The following PBK variants were observed in gnomAD, a reference collection of about 807,000 sequenced individuals.
PBK encodes lymphokine-activated killer T-cell-originated protein kinase.
PBK carries 22 observed loss-of-function variants against 33.5 expected under a neutral mutation model. That is an observed-to-expected ratio of 0.66 (90% CI 0.47 to 0.94). The LOEUF (loss-of-function observed/expected upper bound fraction) is 0.94, where lower values mean the gene tolerates loss of function less well. PBK is among the 40% of genes least tolerant of loss of function. The probability of loss-of-function intolerance (pLI) is 0.00; values close to 1 mark genes in which losing one functional copy is unlikely to be tolerated. For synonymous variants in PBK, 129 were observed against 123.8 expected (o/e 1.04, Z -0.28); for missense variants, 376 against 383.4 (o/e 0.98, Z 0.16).
At chr8:27,831,658 A>G (rs1448921155) in intron 2 of PBK, among the ~76,000 whole-genome samples, 1 of 152,006 alleles carries the variant, frequency 6.6e-6, no homozygotes. Flanking sequence ...CTGATTAAGG[A>G]AAAAAATTAA....
chr8:27,825,798 A>C (rs1371271449), intron 3 of PBK, among the ~76,000 whole-genome samples: 2 of 152,232 alleles, frequency 1.3e-5, no homozygotes, highest in Non-Finnish European at 2.9e-5. Flanking sequence ...TTGAAAGATA[A>C]AGCTGGGGAA....
Position 27,810,465 on chromosome 8 carries a change from G to C in PBK, c.809C>G (p.Ala270Gly), listed in dbSNP as rs141116063. ...TFDESDFDDE[A>G]YYAALGTRPP... ...CCTAGTTCCCAACGCTGCATAGTAT[G>C]CTTCATCATCAAAATCACTTTCATC... The change falls in exon 8 of 8, where the codon GCA becomes GGA. Residue 270 changes from alanine to glycine, a missense_variant. Coordinates refer to ENST00000301905, the MANE Select transcript of PBK (RefSeq NM_018492.4). 1.2e-6 allele frequency: 2 copies of C among 1,604,920 alleles called. No homozygotes were observed.
At chr8:27,816,604 C>T (rs1585424258) in intron 6 of PBK, among the ~76,000 whole-genome samples, 1 of 151,828 alleles carries the variant, frequency 6.6e-6, no homozygotes, top group South Asian at 2.1e-4. Flanking sequence ...TCTCAATCTC[C>T]TGACCTCATG....
intron 6 of PBK, among the ~76,000 whole-genome samples, chr8:27,816,583 A>G (rs1198768150): frequency 1.3e-5 from 2 of 151,588 alleles, no homozygotes; most frequent in Admixed American, 6.6e-5. Flanking sequence ...TCACTGTGTT[A>G]GCCAGGATGG....
intron 2 of PBK, among the ~76,000 whole-genome samples, chr8:27,832,819 G>C (rs537316079): frequency 1.3e-5 from 2 of 152,282 alleles, no homozygotes; most frequent in South Asian, 4.1e-4. Flanking sequence ...GTCAAGCTAA[G>C]TTGATTCTTG....
intron 6 of PBK, among the ~76,000 whole-genome samples, chr8:27,814,519 T>C (rs1205417235): frequency 6.6e-6 from 1 of 152,156 alleles, no homozygotes; most frequent in East Asian, 1.9e-4. Context: ...TTTTATTTCA[T>C]TGATTTCTGC....
intron 6 of PBK, among the ~76,000 whole-genome samples, chr8:27,814,313 C>T (rs1805768120): frequency 6.6e-6 from 1 of 152,172 alleles, no homozygotes; most frequent in Middle Eastern, 3.4e-3. Flanking sequence ...TTGTCAAATT[C>T]ATTGCCATAA....
intron 3 of PBK, among the ~76,000 whole-genome samples, chr8:27,825,726 C>T (rs985451328): frequency 1.3e-5 from 2 of 151,936 alleles, no homozygotes; most frequent in Non-Finnish European, 2.9e-5. Flanking sequence ...CTCCAAGAGA[C>T]TAAAGATGCT....
chr8:27,811,229 T>C, intron 6 of PBK, 95 bp from the exon 7 acceptor site: 1 of 1,024,440 alleles, frequency 9.8e-7, no homozygotes, highest in Non-Finnish European at 1.5e-6. Flanking sequence ...GAACAAGTAG[T>C]TCACAGGTTA....
chr8:27,817,492 G>T (rs182420075), intron 6 of PBK, among the ~76,000 whole-genome samples: 1 of 151,658 alleles, frequency 6.6e-6, no homozygotes, highest in African/African-American at 2.4e-5. Flanking sequence ...TCTTTTATTA[G>T]GATTATTAAC....
intron 1 of PBK, among the ~76,000 whole-genome samples, chr8:27,834,334 C>T (rs1459545325): frequency 6.6e-6 from 1 of 152,038 alleles, no homozygotes; most frequent in Non-Finnish European, 1.5e-5. Context: ...TCCAATGATC[C>T]CATTTTTAGG....
At chr8:27,829,737 C>T (rs1250952327) in intron 2 of PBK, among the ~76,000 whole-genome samples, 4 of 151,818 alleles carry the variant, frequency 2.6e-5, no homozygotes, top group South Asian at 2.1e-4. Context: ...TGTGGTGGCA[C>T]GTGCCTGTAA....
In PBK at chr8:27,817,551, G is replaced by GT. The variant is rs1554560035; in HGVS notation, c.595+3013dup. The stretch of plus-strand genomic sequence containing the variant: ...TCAAAGTTGCATAGGTTTTAACCCT[G>GT]TTTTTTTTTTCTATAAACCTAGTTA... On this transcript the variant is annotated intron_variant, in intron 6 of 7. Coordinates refer to ENST00000301905, the MANE Select transcript of PBK (RefSeq NM_018492.4). Among the ~76,000 whole-genome samples the GT allele has an allele frequency of 4.1e-3, 613 of 148,304 alleles. 10 individuals carry two copies. The East Asian group carries it at 0.072, about 17-fold the overall frequency.
chr8:27,822,680 A>T (rs562680948), intron 4 of PBK, among the ~76,000 whole-genome samples, 192 bp from the exon 5 acceptor site: 9 of 152,330 alleles, frequency 5.9e-5, no homozygotes, highest in South Asian at 2.1e-4. Context: ...TAGTACCACA[A>T]ATTAAAATAC....
chr8:27,815,717 T>A (rs1304888260), intron 6 of PBK, among the ~76,000 whole-genome samples: 1 of 152,190 alleles, frequency 6.6e-6, no homozygotes, highest in Admixed American at 6.5e-5. Flanking sequence ...ACGGCTCCAA[T>A]TTGAGACTCG....
At chr8:27,828,053 C>A in intron 3 of PBK, 52 bp downstream of exon 3, 1 of 858,116 alleles carries the variant, frequency 1.2e-6, no homozygotes. Context: ...TCTCCAAGTA[C>A]AGTAGAATTA....
At position 27,810,352 on chromosome 8, in the gene PBK, G is replaced by T. The variant is rs765445598; in HGVS notation, c.922C>A (p.Arg308Ser). ...SVCTNEDPKD[R>S]PSAAHIVEAL... ...TCAACAATGTGTGCAGCAGAAGGAC[G>T]ATCTTTAGGGTCTTCATTAGTGCAT... The change falls in exon 8 of 8, where the codon CGT (arginine) becomes AGT (serine). Residue 308 changes from arginine to serine, a missense_variant. Physicochemically the swap from Arg to Ser is moderately radical, Grantham distance 110. Coordinates refer to ENST00000301905, the MANE Select transcript of PBK (RefSeq NM_018492.4). The T allele has an allele frequency of 7.4e-6, 12 of 1,612,524 alleles. No homozygotes were observed. Among genetic ancestry groups the T allele is most frequent in the Non-Finnish European group, 9.3e-6 (11 of 1,178,770 alleles).
At position 27,810,245 on chromosome 8, in the gene PBK, A is replaced by T; in HGVS notation, c.*60T>A. 8.9e-7 allele frequency: 1 copy of T among 1,124,120 alleles called. No homozygotes were observed. The highest frequency in any genetic ancestry group is 1.3e-6 in the Non-Finnish European group (1 of 745,310). 69.6% of individuals were successfully genotyped at this position (1,124,120 alleles called of 1,614,324 possible). A position where few individuals can be genotyped will look rare whatever the true frequency, so the allele number is the denominator to read the frequency against. ...AGTCTAATAACTACTGATAGTAACT[A>T]TGTAAATATTTTGGAATAAACAGTT... On this transcript the variant is annotated 3_prime_UTR_variant, in exon 8 of 8. Coordinates refer to ENST00000301905, the MANE Select transcript of PBK (RefSeq NM_018492.4).
At position 27,820,696 on chromosome 8, in the gene PBK, T is replaced by TA; in HGVS notation, c.466-3dup. The TA allele has an allele frequency of 6.6e-7, 1 of 1,507,986 alleles. No homozygotes were observed. 93.4% of individuals were successfully genotyped at this position (1,507,986 alleles called of 1,614,324 possible). ...CAGTTTCTTTTCTTGGTGCAGATACTAAAATAGTAAAAAATTTAACACATA... is the reference window on the plus strand; with the variant it reads ...CAGTTTCTTTTCTTGGTGCAGATACTAAAAATAGTAAAAAATTTAACACATA... On this transcript the variant is annotated splice_region_variant and splice_polypyrimidine_tract_variant and intron_variant, in intron 5 of 7. Coordinates refer to ENST00000301905, the MANE Select transcript of PBK (RefSeq NM_018492.4).
Sources: gnomAD v4.1 joint callset for allele counts (sites outside exome capture counted in the v4.1 genomes callset) on GRCh38, gnomAD v4.1.1 for gene constraint, MANE v1.5 for transcripts, NCBI Gene and HGNC (gene_info 2026-07-23, HGNC 2026-07-21) for gene names.